TTC23: variants seen among roughly 807,000 people sequenced by gnomAD.
The protein encoded by TTC23 is tetratricopeptide repeat protein 23.
Under a neutral mutation model 55.1 loss-of-function variants are expected in TTC23, and 58 were observed. The observed-to-expected ratio is 1.05, with a 90% CI of 0.85 to 1.31. TTC23 has a LOEUF of 1.31. TTC23 is among the 50% of genes most tolerant of loss of function. TTC23 has a pLI of 0.00. For synonymous variants in TTC23, 203 were observed against 199.9 expected (o/e 1.02, Z -0.13); for missense variants, 516 against 534.4 (o/e 0.97, Z 0.34).
At chr15:99,214,852 CTTTT>C (rs777804106) in intron 8 of TTC23, among the ~76,000 whole-genome samples, 2 of 99,880 alleles carry the variant, frequency 2.0e-5, no homozygotes, top group East Asian at 3.1e-4. Context: ...TTCTTTTCTC[CTTTT>C]TTTTTTTTTT....
At chr15:99,228,343 C>T in intron 5 of TTC23, 190 bp downstream of exon 5, 1 of 440,618 alleles carries the variant, frequency 2.3e-6, no homozygotes. Context: ...TGTTGTTGGC[C>T]ATGCGAACTG....
At chr15:99,192,003 A>C (rs2075289064) in intron 9 of TTC23, among the ~76,000 whole-genome samples, 2 of 152,218 alleles carry the variant, frequency 1.3e-5, no homozygotes, top group South Asian at 4.1e-4. Flanking sequence ...ACGTTTTAGC[A>C]AAGAGACTGG....
chr15:99,211,447 G>A (rs776700794), intron 8 of TTC23, among the ~76,000 whole-genome samples: 10 of 151,900 alleles, frequency 6.6e-5, no homozygotes, highest in Non-Finnish European at 1.2e-4. Flanking sequence ...TGATTCATGA[G>A]AGCAAAGAAA....
At chr15:99,173,521 G>A (rs2073192363) in intron 10 of TTC23, among the ~76,000 whole-genome samples, 1 of 152,188 alleles carries the variant, frequency 6.6e-6, no homozygotes. Context: ...AGGAGTCTGA[G>A]GCTGCAGTGG....
intron 11 of TTC23, chr15:99,159,401 T>C (rs544317708): frequency 6.6e-6 from 1 of 152,348 alleles, no homozygotes; most frequent in Admixed American, 6.5e-5. Flanking sequence ...CACATGAATA[T>C]ATACTTACAA....
At chr15:99,143,480 C>T (rs1375142342) in intron 12 of TTC23, among the ~76,000 whole-genome samples, 2 of 152,176 alleles carry the variant, frequency 1.3e-5, no homozygotes, top group Non-Finnish European at 2.9e-5. Context: ...ACATTCTCCA[C>T]CATAAATAAA....
intron 9 of TTC23, among the ~76,000 whole-genome samples, chr15:99,180,964 ACATCGATTAAG>A (rs2074056346): frequency 6.6e-6 from 1 of 152,220 alleles, no homozygotes; most frequent in Non-Finnish European, 1.5e-5. Flanking sequence ...GAGGGAACTA[ACATCGATTAAG>A]CACCTTCTTC....
At chr15:99,201,060 G>A (rs2076158410) in intron 8 of TTC23, among the ~76,000 whole-genome samples, 1 of 152,202 alleles carries the variant, frequency 6.6e-6, no homozygotes, top group East Asian at 1.9e-4. Flanking sequence ...AAAAGCCATT[G>A]CTATGTTAGC....
intron 9 of TTC23, among the ~76,000 whole-genome samples, chr15:99,195,342 C>T (rs1002048961): frequency 6.6e-6 from 1 of 152,196 alleles, no homozygotes; most frequent in African/African-American, 2.4e-5. Context: ...TATCATATAT[C>T]ACCAGGGAAA....
chr15:99,187,436 A>T (rs1254215094), intron 9 of TTC23, among the ~76,000 whole-genome samples: 2 of 135,522 alleles, frequency 1.5e-5, no homozygotes, highest in Non-Finnish European at 3.1e-5. Flanking sequence ...CGGAGATGTG[A>T]TGCCAAAAGC....
At chr15:99,141,446 G>A (rs1490770915) in intron 12 of TTC23, among the ~76,000 whole-genome samples, 1 of 152,134 alleles carries the variant, frequency 6.6e-6, no homozygotes. Context: ...GATGGGGTAG[G>A]TATAGAGGGG....
intron 10 of TTC23, among the ~76,000 whole-genome samples, chr15:99,163,251 G>A (rs2071626887): frequency 1.3e-5 from 2 of 152,168 alleles, no homozygotes; most frequent in Non-Finnish European, 2.9e-5. Context: ...ACAGAGATTT[G>A]ATGAGAAGGA....
At chr15:99,150,737 C>T (rs73480191) in intron 12 of TTC23, among the ~76,000 whole-genome samples, 13,214 of 152,244 alleles carry the variant, frequency 0.087, 755 homozygotes, top group East Asian at 0.28. Context: ...CACACAAAAG[C>T]AGGTGGAGGG....
chr15:99,196,151 C>CA (rs955106376), intron 9 of TTC23, among the ~76,000 whole-genome samples: 1,900 of 58,554 alleles, frequency 0.032, 24 homozygotes, highest in African/African-American at 0.038. Flanking sequence ...GACTCTGTCT[C>CA]AAAAAAAAAA....
At chr15:99,145,279 G>C (rs370504606) in intron 12 of TTC23, 1 of 152,232 alleles carries the variant, frequency 6.6e-6, no homozygotes, top group East Asian at 1.9e-4. Flanking sequence ...GTGGAGAATG[G>C]GCAGAAGTGA....
intron 9 of TTC23, among the ~76,000 whole-genome samples, chr15:99,196,928 T>C (rs1026812727): frequency 6.6e-6 from 1 of 152,152 alleles, no homozygotes. Flanking sequence ...CAGAGGGAGC[T>C]TCTTATAGCT....
intron 12 of TTC23, among the ~76,000 whole-genome samples, chr15:99,150,410 AT>A (rs1323739385): frequency 6.6e-6 from 1 of 152,210 alleles, no homozygotes; most frequent in Non-Finnish European, 1.5e-5. Flanking sequence ...GGCTCAAAAA[AT>A]TTTCTGCAAA....
In TTC23 at chr15:99,171,714, C is replaced by T. The variant is rs1228908991; in HGVS notation, c.865+3336G>A. Among the ~76,000 whole-genome samples the T allele has an allele frequency of 5.3e-5, 8 of 151,820 alleles. No homozygotes were observed. In the East Asian group the frequency reaches 1.6e-3, roughly 30 times the overall value. ...AGTAGCTGGGACTACAGGTGCGCAACACAACACCCAGCTAATTTTTTGTAT... is the reference window on the plus strand; with the variant it reads ...AGTAGCTGGGACTACAGGTGCGCAATACAACACCCAGCTAATTTTTTGTAT... On this transcript the variant is annotated intron_variant, in intron 10 of 13. Coordinates refer to ENST00000394132, the MANE Select transcript of TTC23 (RefSeq NM_001288615.3).
At chr15:99,147,182 G>A (rs1473349226) in intron 12 of TTC23, among the ~76,000 whole-genome samples, 1 of 148,512 alleles carries the variant, frequency 6.7e-6, no homozygotes, top group Non-Finnish European at 1.5e-5. Flanking sequence ...AAAGTGTTGG[G>A]ATTATAGGTG....
Sources: gnomAD v4.1 joint callset for allele counts (sites outside exome capture counted in the v4.1 genomes callset) on GRCh38, gnomAD v4.1.1 for gene constraint, MANE v1.5 for transcripts, NCBI Gene and HGNC (gene_info 2026-07-23, HGNC 2026-07-21) for gene names.